CDH13: variants seen among roughly 807,000 people sequenced by gnomAD.
The protein encoded by CDH13 is cadherin 13.
CDH13 carries 24 observed loss-of-function variants against 63.8 expected under a neutral mutation model. That is an observed-to-expected ratio of 0.38 (90% CI 0.27 to 0.53). CDH13 has a LOEUF of 0.53. CDH13 is among the 20% of genes least tolerant of loss of function. The pLI is 0.85. For missense variants in CDH13, 1,049 were observed against 903.1 expected (o/e 1.16, Z -2.07); for synonymous variants, 503 against 355.3 (o/e 1.42, Z -4.67).
chr16:83,738,195 C>A (rs913306855), intron 10 of CDH13, among the ~76,000 whole-genome samples: 1 of 152,162 alleles, frequency 6.6e-6, no homozygotes, highest in African/African-American at 2.4e-5. Flanking sequence ...ATCCTGTCTC[C>A]CTGCTGGAGT....
chr16:82,831,818 C>G (rs1303372166), intron 1 of CDH13, among the ~76,000 whole-genome samples: 2 of 152,156 alleles, frequency 1.3e-5, no homozygotes, highest in Non-Finnish European at 2.9e-5. Context: ...TAAATGACAT[C>G]TAAGGGCAAA....
chr16:82,783,095 G>A (rs1039293820), intron 1 of CDH13, among the ~76,000 whole-genome samples: 10 of 152,186 alleles, frequency 6.6e-5, no homozygotes, highest in Non-Finnish European at 1.3e-4. Context: ...GGCTCAATGT[G>A]AGCAAACGTT....
chr16:83,082,803 A>G (rs189186357), intron 3 of CDH13, among the ~76,000 whole-genome samples: 1 of 152,348 alleles, frequency 6.6e-6, no homozygotes, highest in East Asian at 1.9e-4. Flanking sequence ...AAAAGATCAG[A>G]AAAAGTCCCT....
At chr16:82,697,949 GTAATCTA>G (rs1456268744) in intron 1 of CDH13, among the ~76,000 whole-genome samples, 7 of 152,176 alleles carry the variant, frequency 4.6e-5, no homozygotes, top group African/African-American at 1.4e-4. Flanking sequence ...ACTGGAGGAT[GTAATCTA>G]CCCCATAGAT....
intron 7 of CDH13, among the ~76,000 whole-genome samples, chr16:83,578,847 A>G (rs1209571996): frequency 2.0e-5 from 3 of 152,208 alleles, no homozygotes; most frequent in Admixed American, 6.5e-5. Flanking sequence ...TAGTGCTCAC[A>G]ACAATGCGGT....
chr16:83,038,482 G>T (rs958533041), intron 3 of CDH13, among the ~76,000 whole-genome samples: 16 of 152,186 alleles, frequency 1.1e-4, no homozygotes, highest in Non-Finnish European at 2.4e-4. Flanking sequence ...ATGGAAGATA[G>T]TGAGGTTAAC....
intron 4 of CDH13, among the ~76,000 whole-genome samples, chr16:83,200,769 T>C (rs1268849198): frequency 1.3e-5 from 2 of 152,200 alleles, no homozygotes; most frequent in African/African-American, 2.4e-5. Flanking sequence ...TACTATGATC[T>C]TCTCTTGTTG....
intron 2 of CDH13, among the ~76,000 whole-genome samples, chr16:82,962,627 C>T (rs1252143147): frequency 2.0e-5 from 3 of 152,064 alleles, no homozygotes; most frequent in Admixed American, 6.5e-5. Flanking sequence ...GACAAAGATG[C>T]GGGTGAAACT....
At chr16:83,648,887 C>G (rs1165746334) in intron 8 of CDH13, among the ~76,000 whole-genome samples, 2 of 151,888 alleles carry the variant, frequency 1.3e-5, no homozygotes, top group African/African-American at 4.8e-5. Flanking sequence ...GCATATGTAG[C>G]TGTGTCTTTT....
chr16:83,431,412 G>A (rs893711077), intron 6 of CDH13, among the ~76,000 whole-genome samples: 1 of 151,886 alleles, frequency 6.6e-6, no homozygotes, highest in South Asian at 2.1e-4. Context: ...AGGAGATGAT[G>A]GCAGAGAGGA....
At chr16:82,858,503 G>C in intron 2 of CDH13, 30 bp downstream of exon 2, 1 of 1,277,532 alleles carries the variant, frequency 7.8e-7, no homozygotes, top group Non-Finnish European at 1.1e-6. Context: ...GATGCTTTTA[G>C]ACTCTTCTCA....
chr16:83,454,459 T>C (rs2072967030), intron 6 of CDH13, among the ~76,000 whole-genome samples: 1 of 152,234 alleles, frequency 6.6e-6, no homozygotes, highest in African/African-American at 2.4e-5. Context: ...TTCCTTCTCA[T>C]CTGTGTCCAC....
At chr16:83,534,494 A>C (rs1016882781) in intron 7 of CDH13, among the ~76,000 whole-genome samples, 5 of 152,002 alleles carry the variant, frequency 3.3e-5, no homozygotes, top group Non-Finnish European at 7.4e-5. Flanking sequence ...TACAACCACT[A>C]CCTCCTCTTC....
At chr16:83,681,380 T>C (rs923459412) in intron 10 of CDH13, among the ~76,000 whole-genome samples, 2 of 152,210 alleles carry the variant, frequency 1.3e-5, no homozygotes, top group Non-Finnish European at 2.9e-5. Context: ...GACCAATCCC[T>C]TTCCCAGCCG....
At chr16:82,648,280 G>A (rs904040575) in intron 1 of CDH13, among the ~76,000 whole-genome samples, 1 of 152,104 alleles carries the variant, frequency 6.6e-6, no homozygotes, top group Admixed American at 6.5e-5. Context: ...AGGAAAATAT[G>A]TACAAAATAC....
At chr16:83,785,164 G>A (rs999280801) in intron 13 of CDH13, among the ~76,000 whole-genome samples, 1 of 152,184 alleles carries the variant, frequency 6.6e-6, no homozygotes, top group Admixed American at 6.5e-5. Context: ...TACTGTCTTA[G>A]TCCATTCGGG....
chr16:83,135,781 A>G (rs780700340), intron 4 of CDH13, among the ~76,000 whole-genome samples: 1 of 152,260 alleles, frequency 6.6e-6, no homozygotes, highest in Non-Finnish European at 1.5e-5. Context: ...AATGCCCATC[A>G]ATCCACAAGT....
At chr16:83,234,379 C>G (rs899633455) in intron 5 of CDH13, among the ~76,000 whole-genome samples, 4 of 152,170 alleles carry the variant, frequency 2.6e-5, no homozygotes, top group South Asian at 2.1e-4. Flanking sequence ...TAGCAAGAAG[C>G]AGGCCCCAAA....
At chr16:83,091,931 C>T (rs1182373833) in intron 3 of CDH13, among the ~76,000 whole-genome samples, 1 of 152,176 alleles carries the variant, frequency 6.6e-6, no homozygotes, top group African/African-American at 2.4e-5. Context: ...ACCTGTGTGC[C>T]TATAAATATA....
Sources: gnomAD v4.1 joint callset for allele counts (sites outside exome capture counted in the v4.1 genomes callset) on GRCh38, gnomAD v4.1.1 for gene constraint, MANE v1.5 for transcripts, NCBI Gene and HGNC (gene_info 2026-07-23, HGNC 2026-07-21) for gene names.